TBC1D1: variants seen among roughly 807,000 people sequenced by gnomAD.
TBC1D1 encodes the protein TBC1 domain family member 1, also known as TBC1 (tre-2/USP6, BUB2, cdc16) domain family, member 1.
Under a neutral mutation model 125.6 loss-of-function variants are expected in TBC1D1, and 89 were observed. That is an observed-to-expected ratio of 0.71 (90% CI 0.60 to 0.85). The LOEUF (loss-of-function observed/expected upper bound fraction) is 0.85, where lower values mean the gene tolerates loss of function less well. Ranked by LOEUF, TBC1D1 falls within the 40% of genes least tolerant of loss-of-function variation. TBC1D1 has a pLI of 0.00. For synonymous variants in TBC1D1, 565 were observed against 564.1 expected (o/e 1.00, Z -0.02); for missense variants, 1,377 against 1,469.2 (o/e 0.94, Z 1.03).
intron 6 of TBC1D1, among the ~76,000 whole-genome samples, chr4:38,022,298 G>A (rs1468669089): frequency 6.6e-6 from 1 of 152,214 alleles, no homozygotes; most frequent in African/African-American, 2.4e-5. Flanking sequence ...TATTGAATAA[G>A]ATCTGCCAGG....
At chr4:37,981,054 C>T (rs925750966) in intron 2 of TBC1D1, among the ~76,000 whole-genome samples, 2 of 152,054 alleles carry the variant, frequency 1.3e-5, no homozygotes, top group African/African-American at 4.8e-5. Flanking sequence ...GTGCTCCTCC[C>T]ACCTCAGCCT....
At chr4:38,086,521 A>C (rs1757511158) in intron 12 of TBC1D1, among the ~76,000 whole-genome samples, 1 of 152,182 alleles carries the variant, frequency 6.6e-6, no homozygotes. Flanking sequence ...TATTTAGTTC[A>C]TGTAGAGGTG....
chr4:37,902,142 A>C lies in TBC1D1; in HGVS notation c.47A>C (p.Glu16Ala). The change falls in exon 2 of 20, where the codon GAG becomes GCG. Residue 16 changes from glutamate to alanine, a missense_variant. By Grantham distance (107) the Glu-to-Ala change is moderately radical. Coordinates refer to ENST00000261439, the MANE Select transcript of TBC1D1 (RefSeq NM_015173.4). ...GCAAGGAAACATCTGCTTTCTAACG[A>C]GGTCTCGGTGGATTTTGGCCTGCAG... The C allele has an allele frequency of 5.0e-6, 8 of 1,611,984 alleles. No homozygotes were observed. Among genetic ancestry groups the C allele is most frequent in the Non-Finnish European group, 6.8e-6 (8 of 1,179,318 alleles).
At chr4:38,134,183 G>T (rs1002901980) in intron 19 of TBC1D1, among the ~76,000 whole-genome samples, 2 of 152,078 alleles carry the variant, frequency 1.3e-5, no homozygotes, top group African/African-American at 4.8e-5. Flanking sequence ...TCTGATCTAA[G>T]CCTCTGATTT....
At chr4:38,137,067 T>A (rs16994261) in intron 19 of TBC1D1, 68 bp from the exon 22 acceptor site, 33,487 of 1,606,564 alleles carry the variant, frequency 0.021, 1,447 homozygotes, top group African/African-American at 0.18. Flanking sequence ...CTGGACAGCG[T>A]GTGGGCACTG....
intron 15 of TBC1D1, among the ~76,000 whole-genome samples, chr4:38,113,866 C>G (rs1762548182): frequency 6.6e-6 from 1 of 152,170 alleles, no homozygotes; most frequent in Non-Finnish European, 1.5e-5. Flanking sequence ...CCTAATGTCT[C>G]AGTATTTTTA....
intron 2 of TBC1D1, among the ~76,000 whole-genome samples, chr4:37,986,507 G>A (rs1390555116): frequency 4.6e-5 from 7 of 152,226 alleles, no homozygotes; most frequent in Non-Finnish European, 7.4e-5. Context: ...TTGCAGTGGC[G>A]CGATCTCGGC....
chr4:38,126,724 C>T (rs942105170), intron 18 of TBC1D1, among the ~76,000 whole-genome samples: 4 of 152,092 alleles, frequency 2.6e-5, no homozygotes, highest in African/African-American at 9.7e-5. Flanking sequence ...TCGAAATATA[C>T]GCATGATCCC....
intron 2 of TBC1D1, among the ~76,000 whole-genome samples, chr4:37,959,534 G>A (rs756138705): frequency 1.3e-5 from 2 of 152,122 alleles, no homozygotes; most frequent in Non-Finnish European, 2.9e-5. Context: ...GGATCCATGC[G>A]ACTCAATCCT....
intron 14 of TBC1D1, among the ~76,000 whole-genome samples, chr4:38,096,844 G>A (rs114770667): frequency 0.01 from 1,573 of 151,238 alleles, 24 homozygotes; most frequent in African/African-American, 0.037. Context: ...TTACTGTATC[G>A]TATAAAAATA....
At chr4:38,088,356 A>AT (rs1331620742) in intron 12 of TBC1D1, among the ~76,000 whole-genome samples, 2 of 152,158 alleles carry the variant, frequency 1.3e-5, no homozygotes, top group Non-Finnish European at 2.9e-5. Flanking sequence ...GATTTGCATT[A>AT]TTTTTTCTTA....
intron 2 of TBC1D1, among the ~76,000 whole-genome samples, chr4:37,937,370 C>A (rs1724607527): frequency 6.6e-6 from 1 of 152,146 alleles, no homozygotes; most frequent in African/African-American, 2.4e-5. Context: ...AAAAAGCACT[C>A]TTAAGTGTCT....
chr4:38,046,370 T>TA (rs11438975), intron 10 of TBC1D1, among the ~76,000 whole-genome samples: 13,802 of 142,960 alleles, frequency 0.097, 1,479 homozygotes, highest in African/African-American at 0.27. Context: ...AGACTCTGTG[T>TA]AAAAAAAAAA....
chr4:37,975,524 T>C (rs185530542), intron 2 of TBC1D1, among the ~76,000 whole-genome samples: 298 of 152,270 alleles, frequency 2.0e-3, no homozygotes, highest in African/African-American at 6.7e-3. Flanking sequence ...GAGACTCCCA[T>C]TCCCGGTCTG....
At chr4:38,087,865 A>AG (rs1312073150) in intron 12 of TBC1D1, among the ~76,000 whole-genome samples, 5 of 122,870 alleles carry the variant, frequency 4.1e-5, no homozygotes, top group South Asian at 2.5e-4. Flanking sequence ...AAAAAAAAGA[A>AG]AAAAAAAAAA....
At chr4:37,990,163 A>G (rs1363853411) in intron 2 of TBC1D1, among the ~76,000 whole-genome samples, 1 of 152,202 alleles carries the variant, frequency 6.6e-6, no homozygotes, top group Admixed American at 6.5e-5. Flanking sequence ...CTATTGTGAC[A>G]GTCTCTATTG....
chr4:37,927,576 A>G (rs1722386076), intron 2 of TBC1D1, among the ~76,000 whole-genome samples: 1 of 152,240 alleles, frequency 6.6e-6, no homozygotes, highest in Non-Finnish European at 1.5e-5. Flanking sequence ...CCAAAACAGC[A>G]ATTACAGTGT....
chr4:37,923,765 C>T (rs1473792857), intron 2 of TBC1D1, among the ~76,000 whole-genome samples: 3 of 151,608 alleles, frequency 2.0e-5, no homozygotes, highest in Middle Eastern at 3.4e-3. Flanking sequence ...CTGCAACCTC[C>T]GCCTCCCAGG....
chr4:38,038,447 C>T (rs1380212707), intron 8 of TBC1D1, among the ~76,000 whole-genome samples: 1 of 152,126 alleles, frequency 6.6e-6, no homozygotes, highest in Non-Finnish European at 1.5e-5. Context: ...CTTATTTTTG[C>T]ATGCCTTTCA....
Sources: gnomAD v4.1 joint callset for allele counts (sites outside exome capture counted in the v4.1 genomes callset) on GRCh38, gnomAD v4.1.1 for gene constraint, MANE v1.5 for transcripts, NCBI Gene and HGNC (gene_info 2026-07-23, HGNC 2026-07-21) for gene names.